Variants in HCN1 observed in about 807,000 individuals in gnomAD.
The protein encoded by HCN1 is hyperpolarization activated cyclic nucleotide gated potassium channel 1.
A neutral mutation model predicts 78.9 loss-of-function variants in HCN1; 13 were observed. That is an observed-to-expected ratio of 0.16 (90% CI 0.11 to 0.26). The LOEUF (loss-of-function observed/expected upper bound fraction) is 0.26, where lower values mean the gene tolerates loss of function less well. HCN1 is among the 10% of genes least tolerant of loss of function. The pLI is 1.00. For synonymous variants in HCN1, 552 were observed against 455.5 expected, an observed-to-expected ratio of 1.21 and a Z score of -2.70; for missense variants, 810 against 1,154.3, an observed-to-expected ratio of 0.70 and a Z score of 4.32.
intron 2 of HCN1, among the ~76,000 whole-genome samples, chr5:45,501,719 C>A (rs989255846): frequency 2.6e-5 from 4 of 152,130 alleles, no homozygotes; most frequent in Admixed American, 2.6e-4. Flanking sequence ...GGATTACAGG[C>A]ACGAGCCACT....
At chr5:45,635,509 C>T (rs1402585626) in intron 2 of HCN1, among the ~76,000 whole-genome samples, 3 of 152,046 alleles carry the variant, frequency 2.0e-5, no homozygotes, top group South Asian at 2.1e-4. Context: ...TTATCTGGAG[C>T]CCTGGGACCA....
At chr5:45,441,214 ATTTG>A (rs1334535581) in intron 3 of HCN1, among the ~76,000 whole-genome samples, 64 of 152,208 alleles carry the variant, frequency 4.2e-4, no homozygotes, top group Middle Eastern at 3.4e-3. Flanking sequence ...TAGCTGTTTA[ATTTG>A]TTTATGTTCT....
At chr5:45,425,716 A>G (rs1740331633) in intron 3 of HCN1, among the ~76,000 whole-genome samples, 1 of 152,240 alleles carries the variant, frequency 6.6e-6, no homozygotes, top group South Asian at 2.1e-4. Flanking sequence ...TTAGAGATTT[A>G]GAAAAGAATC....
intron 2 of HCN1, among the ~76,000 whole-genome samples, chr5:45,518,709 C>A (rs1742559353): frequency 6.6e-6 from 1 of 151,948 alleles, no homozygotes; most frequent in African/African-American, 2.4e-5. Flanking sequence ...GGTCATTTTT[C>A]ATCAGAAAAC....
At chr5:45,348,230 G>A (rs1746793404) in intron 5 of HCN1, among the ~76,000 whole-genome samples, 2 of 152,164 alleles carry the variant, frequency 1.3e-5, no homozygotes, top group African/African-American at 4.8e-5. Flanking sequence ...TTAAAGAAAA[G>A]AATTTTCAAC....
At chr5:45,695,548 G>T in intron 1 of HCN1, 121 bp downstream of exon 1, 1 of 987,468 alleles carries the variant, frequency 1.0e-6, no homozygotes, top group Non-Finnish European at 1.5e-6. Flanking sequence ...AGCCGACGCC[G>T]CCGGCAGCGC....
At chr5:45,368,498 T>G (rs1008213996) in intron 4 of HCN1, among the ~76,000 whole-genome samples, 3 of 152,068 alleles carry the variant, frequency 2.0e-5, no homozygotes, top group African/African-American at 7.2e-5. Context: ...ATATCAACAT[T>G]AATTGATAGA....
At chr5:45,503,300 A>G (rs1258460789) in intron 2 of HCN1, among the ~76,000 whole-genome samples, 1 of 152,198 alleles carries the variant, frequency 6.6e-6, no homozygotes, top group Non-Finnish European at 1.5e-5. Context: ...AAGGGGAAAA[A>G]GGAACATTTT....
chr5:45,511,608 C>T (rs1436952460), intron 2 of HCN1, among the ~76,000 whole-genome samples: 2 of 151,952 alleles, frequency 1.3e-5, no homozygotes, highest in Non-Finnish European at 1.5e-5. Context: ...ATCAGACAAA[C>T]CTAATTTAAT....
intron 6 of HCN1, among the ~76,000 whole-genome samples, chr5:45,274,866 T>TA (rs1745024079): frequency 6.6e-6 from 1 of 152,246 alleles, no homozygotes; most frequent in Non-Finnish European, 1.5e-5. Flanking sequence ...TCTTAGTTCC[T>TA]ACATTATTGG....
intron 2 of HCN1, among the ~76,000 whole-genome samples, chr5:45,562,080 G>T (rs1743616142): frequency 6.6e-6 from 1 of 152,092 alleles, no homozygotes; most frequent in Non-Finnish European, 1.5e-5. Flanking sequence ...TTTTTAGTCA[G>T]TTGAACAGAA....
At chr5:45,349,696 C>A (rs929243750) in intron 5 of HCN1, among the ~76,000 whole-genome samples, 2 of 151,962 alleles carry the variant, frequency 1.3e-5, no homozygotes, top group Non-Finnish European at 2.9e-5. Context: ...GGGGATATCA[C>A]CACCGATCCC....
At chr5:45,469,085 A>G (rs1351866620) in intron 2 of HCN1, among the ~76,000 whole-genome samples, 2 of 152,012 alleles carry the variant, frequency 1.3e-5, no homozygotes, top group African/African-American at 4.8e-5. Context: ...TTATAGAGTC[A>G]TATTTAAAAT....
intron 2 of HCN1, among the ~76,000 whole-genome samples, chr5:45,503,348 G>A (rs1229677364): frequency 6.6e-6 from 1 of 151,982 alleles, no homozygotes; most frequent in East Asian, 1.9e-4. Flanking sequence ...AACTCTAAAG[G>A]CAAATGAGTA....
chr5:45,675,513 T>C (rs1234031141), intron 1 of HCN1, among the ~76,000 whole-genome samples: 1 of 151,726 alleles, frequency 6.6e-6, no homozygotes, highest in Non-Finnish European at 1.5e-5. Context: ...GCTGAACTAG[T>C]AGAGAAAAAA....
chr5:45,378,267 T>C (rs1461625396), intron 4 of HCN1, among the ~76,000 whole-genome samples: 1 of 152,074 alleles, frequency 6.6e-6, no homozygotes, highest in Non-Finnish European at 1.5e-5. Context: ...CCATTCAGCA[T>C]GTTTTGTTGT....
intron 2 of HCN1, chr5:45,576,443 T>C (rs184261409): frequency 1.2e-4 from 19 of 152,192 alleles, no homozygotes; most frequent in African/African-American, 4.3e-4. Flanking sequence ...TACAGATACA[T>C]TTTTCTGAAG....
At chr5:45,365,150 C>G (rs889573885) in intron 4 of HCN1, among the ~76,000 whole-genome samples, 1 of 151,884 alleles carries the variant, frequency 6.6e-6, no homozygotes, top group African/African-American at 2.4e-5. Flanking sequence ...TTCATACGAT[C>G]AAATATATGT....
At chr5:45,576,011 C>A (rs1036159551) in intron 2 of HCN1, 8 of 151,924 alleles carry the variant, frequency 5.3e-5, no homozygotes, top group African/African-American at 1.7e-4. Context: ...ATTAAGAACA[C>A]TGTTGATTGA....
Sources: allele counts gnomAD v4.1 joint callset (sites outside exome capture counted in the v4.1 genomes callset), GRCh38; gene constraint gnomAD v4.1.1; transcripts MANE v1.5; gene names NCBI Gene and HGNC (gene_info 2026-07-23, HGNC 2026-07-21).